The following PLCB1 variants were observed in gnomAD, a reference collection of about 807,000 sequenced individuals.
PLCB1 encodes 1-phosphatidylinositol 4,5-bisphosphate phosphodiesterase beta-1.
PLCB1 carries 46 observed loss-of-function variants against 161.8 expected under a neutral mutation model. The observed-to-expected ratio is 0.28, with a 90% CI of 0.22 to 0.36. The LOEUF (loss-of-function observed/expected upper bound fraction) is 0.36, where lower values mean the gene tolerates loss of function less well. Ranked by LOEUF, PLCB1 falls within the 10% of genes least tolerant of loss-of-function variation. The pLI, the probability that PLCB1 is intolerant of heterozygous loss-of-function variation, is 1.00. For missense variants in PLCB1, 1,016 were observed against 1,472.5 expected (o/e 0.69, Z 5.07); for synonymous variants, 517 against 503.7 (o/e 1.03, Z -0.35).
chr20:8,133,382 G>A (rs2051312901), intron 1 of PLCB1, among the ~76,000 whole-genome samples: 1 of 152,024 alleles, frequency 6.6e-6, no homozygotes, highest in Non-Finnish European at 1.5e-5. Flanking sequence ...GGGCCCTTGA[G>A]GGGTCCTGGA....
intron 2 of PLCB1, chr20:8,249,406 C>T (rs745606723): frequency 2.0e-5 from 3 of 151,964 alleles, no homozygotes; most frequent in South Asian, 4.1e-4. Flanking sequence ...AACACTTCAT[C>T]GGTAATTCAT....
intron 3 of PLCB1, among the ~76,000 whole-genome samples, chr20:8,446,656 C>T (rs1724701560): frequency 6.6e-6 from 1 of 152,090 alleles, no homozygotes; most frequent in Admixed American, 6.5e-5. Context: ...ATTTCGAAAA[C>T]CCAATCGTCT....
intron 31 of PLCB1, among the ~76,000 whole-genome samples, chr20:8,801,744 A>G (rs1310450160): frequency 6.6e-6 from 1 of 152,170 alleles, no homozygotes; most frequent in East Asian, 1.9e-4. Flanking sequence ...TCTTTTCTCA[A>G]GTTTCTTGAT....
intron 2 of PLCB1, among the ~76,000 whole-genome samples, chr20:8,175,334 T>C (rs1365673431): frequency 6.6e-6 from 1 of 152,120 alleles, no homozygotes; most frequent in Non-Finnish European, 1.5e-5. Context: ...AACCTAGATA[T>C]AGACCCATAC....
chr20:8,269,870 A>C (rs1982187217), intron 2 of PLCB1, among the ~76,000 whole-genome samples: 1 of 151,850 alleles, frequency 6.6e-6, no homozygotes, highest in Admixed American at 6.6e-5. Context: ...AACATTCTTT[A>C]TTTGTGAAAT....
At chr20:8,840,780 C>G (rs1986472629) in intron 31 of PLCB1, among the ~76,000 whole-genome samples, 1 of 152,016 alleles carries the variant, frequency 6.6e-6, no homozygotes, top group Admixed American at 6.6e-5. Flanking sequence ...TGTACTAAAT[C>G]ACTTCCCCCC....
intron 3 of PLCB1, among the ~76,000 whole-genome samples, chr20:8,410,545 G>C (rs1032526170): frequency 6.6e-6 from 1 of 151,860 alleles, no homozygotes; most frequent in African/African-American, 2.4e-5. Context: ...TTTGATGTGC[G>C]TATTATGCCC....
intron 2 of PLCB1, among the ~76,000 whole-genome samples, chr20:8,216,462 G>A (rs554672366): frequency 6.6e-6 from 1 of 152,240 alleles, no homozygotes; most frequent in African/African-American, 2.4e-5. Context: ...AGAATGTGTT[G>A]TGTTCTGTTT....
chr20:8,577,367 G>A (rs1986703076), intron 3 of PLCB1, among the ~76,000 whole-genome samples: 2 of 150,694 alleles, frequency 1.3e-5, no homozygotes, highest in Non-Finnish European at 2.9e-5. Flanking sequence ...GAACCCGGGA[G>A]GCGGAGCTTG....
chr20:8,748,065 T>C (rs1306329058), intron 23 of PLCB1, among the ~76,000 whole-genome samples: 2 of 152,198 alleles, frequency 1.3e-5, no homozygotes, highest in African/African-American at 4.8e-5. Flanking sequence ...TCTTCCTCCT[T>C]CAAATCTTCC....
At chr20:8,771,881 C>CTTCCTTCCTTCA (rs1242254374) in intron 26 of PLCB1, among the ~76,000 whole-genome samples, 2 of 149,658 alleles carry the variant, frequency 1.3e-5, no homozygotes, top group African/African-American at 2.5e-5. Context: ...TCCTTCGTTC[C>CTTCCTTCCTTCA]TTCCTTCCTT....
chr20:8,781,796 G>A (rs1378422739), intron 27 of PLCB1, among the ~76,000 whole-genome samples: 5 of 152,096 alleles, frequency 3.3e-5, no homozygotes, highest in Non-Finnish European at 4.4e-5. Flanking sequence ...CTTGTGCAGG[G>A]AAACTCCCCA....
chr20:8,379,930 G>C (rs899509240), intron 3 of PLCB1, among the ~76,000 whole-genome samples: 1 of 152,134 alleles, frequency 6.6e-6, no homozygotes, highest in Non-Finnish European at 1.5e-5. Context: ...TCACTCTGAT[G>C]ATAGTTTCTT....
intron 3 of PLCB1, among the ~76,000 whole-genome samples, chr20:8,533,640 T>G (rs1228768771): frequency 6.6e-6 from 1 of 150,680 alleles, no homozygotes; most frequent in Non-Finnish European, 1.5e-5. Flanking sequence ...TTTCATGTGT[T>G]TTTTGGCTGC....
intron 3 of PLCB1, among the ~76,000 whole-genome samples, chr20:8,546,167 T>C (rs532286589): frequency 1.5e-5 from 2 of 135,302 alleles, no homozygotes; most frequent in African/African-American, 2.9e-5. Flanking sequence ...ATACAAAAAT[T>C]AGCTGGGCAT....
chr20:8,568,548 A>G (rs984102804), intron 3 of PLCB1, among the ~76,000 whole-genome samples: 1 of 152,212 alleles, frequency 6.6e-6, no homozygotes, highest in African/African-American at 2.4e-5. Flanking sequence ...AAAAATCATT[A>G]GTTATTTTTG....
At chr20:8,831,899 CCTCT>C (rs1158261581) in intron 31 of PLCB1, among the ~76,000 whole-genome samples, 2 of 123,964 alleles carry the variant, frequency 1.6e-5, no homozygotes, top group Admixed American at 9.1e-5. Flanking sequence ...TTTCTTTCTC[CCTCT>C]CTTTCTTTCT....
rs547317060 is a variant in PLCB1 at position 8,600,972 on chromosome 20, G to A, written c.247-27322G>A. Among the ~76,000 whole-genome samples the A allele has an allele frequency of 1.7e-4, 26 of 152,128 alleles. 1 individual carries two copies. The South Asian group carries it at 3.1e-3, about 18-fold the overall frequency. On this transcript the variant is annotated intron_variant, in intron 3 of 31. Coordinates refer to ENST00000338037, the MANE Select transcript of PLCB1 (RefSeq NM_015192.4). ...CCCTGCTTCAGCTCGCGCACGGTGC[G>A]CGCACCCACTGACCTGCGCCCACTG...
At chr20:8,276,630 T>C (rs1045487879) in intron 2 of PLCB1, among the ~76,000 whole-genome samples, 6 of 152,170 alleles carry the variant, frequency 3.9e-5, no homozygotes, top group African/African-American at 1.4e-4. Context: ...ATTCTATTGG[T>C]TGTCCAAAGC....
Sources: gnomAD v4.1 joint callset for allele counts (sites outside exome capture counted in the v4.1 genomes callset) on GRCh38, gnomAD v4.1.1 for gene constraint, MANE v1.5 for transcripts, NCBI Gene and HGNC (gene_info 2026-07-23, HGNC 2026-07-21) for gene names.